COL23A1: variants seen among roughly 807,000 people sequenced by gnomAD.
The protein encoded by COL23A1 is collagen alpha-1(XXIII) chain.
Under a neutral mutation model 99.3 loss-of-function variants are expected in COL23A1, and 97 were observed. The observed-to-expected ratio is 0.98, with a 90% CI of 0.83 to 1.16. The LOEUF is 1.16. Ranked by LOEUF, COL23A1 falls within the 50% of genes most tolerant of loss-of-function variation. The probability of loss-of-function intolerance (pLI) is 0.00; values close to 1 mark genes in which losing one functional copy is unlikely to be tolerated. For synonymous variants in COL23A1, 320 were observed against 308.2 expected (o/e 1.04, Z -0.40); for missense variants, 762 against 757.4 (o/e 1.01, Z -0.07).
At chr5:178,503,030 A>G (rs1257014506) in intron 2 of COL23A1, among the ~76,000 whole-genome samples, 1 of 152,202 alleles carries the variant, frequency 6.6e-6, no homozygotes, top group Non-Finnish European at 1.5e-5. Context: ...AACCCAGAAC[A>G]ATGAGCTTTC....
In COL23A1 at chr5:178,257,524, T is replaced by G. The variant is rs1164611566; in HGVS notation, c.773A>C (p.Lys258Thr). Residue 258 changes from lysine to threonine, a missense_variant and splice_region_variant, in exon 13 of 29, where the codon AAG becomes ACG. Lys to Thr is a moderately conservative substitution (Grantham distance 78, BLOSUM62 -1). Transcript: ENST00000390654. ...ACGAGAGGAGGGGCAGATACTCACC[T>G]TGGGCCCTGGTGGTCCAGGCTGGCT... ...TPSQPGPPGP[K>T]GEPGSMGPRG... 1 of 1,566,894 alleles carries G rather than the reference T, an allele frequency of 6.4e-7. No individual in the cohort carries two copies.
In COL23A1 at chr5:178,350,497, C is replaced by T. The variant is rs139436615; in HGVS notation, c.362-43578G>A. 3.3e-3 allele frequency among the ~76,000 whole-genome samples: 503 copies of T among 152,202 alleles called. 6 individuals carry two copies. The highest frequency in any genetic ancestry group is 0.011 in the African/African-American group (451 of 41,520). On this transcript the variant is annotated intron_variant, in intron 2 of 28. Coordinates refer to ENST00000390654, the MANE Select transcript of COL23A1 (RefSeq NM_173465.4). ...TGAACAGAGGGGTGGCTGGGCCCAGCGCGATGTCAGGACTCTGCAATGTGG... is the reference window on the plus strand; with the variant it reads ...TGAACAGAGGGGTGGCTGGGCCCAGTGCGATGTCAGGACTCTGCAATGTGG...
At chr5:178,514,995 C>T (rs1046895084) in intron 2 of COL23A1, among the ~76,000 whole-genome samples, 7 of 152,242 alleles carry the variant, frequency 4.6e-5, no homozygotes, top group African/African-American at 1.7e-4. Flanking sequence ...CTCCAGAGTC[C>T]AGTGAAAGAC....
chr5:178,443,847 G>A (rs528676461), intron 2 of COL23A1, among the ~76,000 whole-genome samples: 1 of 152,028 alleles, frequency 6.6e-6, no homozygotes, highest in South Asian at 2.1e-4. Context: ...TGTAATTTCT[G>A]ATTTTGAACT....
chr5:178,571,285 C>A (rs939019386), intron 1 of COL23A1, among the ~76,000 whole-genome samples: 4 of 152,162 alleles, frequency 2.6e-5, no homozygotes, highest in Admixed American at 2.6e-4. Context: ...TCGCTTGAAC[C>A]CGGGAGACAG....
Position 178,460,251 on chromosome 5 carries a change from A to G in COL23A1, c.361+100431T>C, listed in dbSNP as rs79854130. ...ACAATTCACAGCAGACCTACTACAG[A>G]AGCACCTTCCCCAGGCACAGACAGA... is the stretch of plus-strand genomic sequence containing the variant. On this transcript the variant is annotated intron_variant, in intron 2 of 28. Coordinates refer to ENST00000390654, the MANE Select transcript of COL23A1 (RefSeq NM_173465.4). Among the ~76,000 whole-genome samples the G allele has an allele frequency of 6.2e-3, 947 of 152,216 alleles. 14 individuals carry two copies. Among genetic ancestry groups the G allele is most frequent in the African/African-American group, 0.021 (891 of 41,538 alleles).
chr5:178,266,817 G>A (rs1234698310), intron 8 of COL23A1, among the ~76,000 whole-genome samples: 1 of 152,210 alleles, frequency 6.6e-6, no homozygotes, highest in Non-Finnish European at 1.5e-5. Flanking sequence ...TCCGCACTGC[G>A]GCTCCCACTA....
chr5:178,553,144 T>G (rs1762095847), intron 2 of COL23A1, among the ~76,000 whole-genome samples: 1 of 142,870 alleles, frequency 7.0e-6, no homozygotes, highest in African/African-American at 2.6e-5. Context: ...CACTTCTGCC[T>G]GGCCGACAGA....
intron 2 of COL23A1, among the ~76,000 whole-genome samples, chr5:178,546,569 T>C (rs1055186834): frequency 2.0e-5 from 3 of 152,198 alleles, no homozygotes; most frequent in Non-Finnish European, 4.4e-5. Flanking sequence ...TCCCAGGGCC[T>C]GGCTGCGGTG....
At chr5:178,483,042 A>T (rs1277548041) in intron 2 of COL23A1, among the ~76,000 whole-genome samples, 1 of 152,194 alleles carries the variant, frequency 6.6e-6, no homozygotes, top group South Asian at 2.1e-4. Flanking sequence ...ACTGCACACC[A>T]GCCTGGGAAA....
chr5:178,255,729 G>C lies in COL23A1; in HGVS notation c.882+624C>G. On this transcript the variant is annotated intron_variant, in intron 15 of 28. Coordinates refer to ENST00000390654, the MANE Select transcript of COL23A1 (RefSeq NM_173465.4). This position sits in a 1 kb window ranked among gnomAD's most constrained non-coding sequence, Gnocchi z 4.2. Reference sequence around the variant, plus strand: ...CCTCCCCCGTCCCCAGTCACAGCCTGCCCAGAACTGCCTGGCTCACTGGCT... The same window carrying C: ...CCTCCCCCGTCCCCAGTCACAGCCTCCCCAGAACTGCCTGGCTCACTGGCT... 1 of 252,290 alleles carries C rather than the reference G, an allele frequency of 4.0e-6. No individual in the cohort carries two copies. Among genetic ancestry groups the C allele is most frequent in the Admixed American group, 4.5e-5 (1 of 22,278 alleles). 15.6% of individuals were successfully genotyped at this position (252,290 alleles called of 1,614,324 possible). A position where few individuals can be genotyped will look rare whatever the true frequency, so the allele number is the denominator to read the frequency against.
chr5:178,272,565 C>A (rs2127566499), intron 5 of COL23A1, among the ~76,000 whole-genome samples: 1 of 152,144 alleles, frequency 6.6e-6, no homozygotes, highest in East Asian at 1.9e-4. Context: ...CCCTGGGGGC[C>A]CCGGGTCAGG....
intron 19 of COL23A1, 53 bp downstream of exon 19, chr5:178,249,064 C>T: frequency 6.3e-7 from 1 of 1,578,562 alleles, no homozygotes; most frequent in Non-Finnish European, 8.7e-7. Context: ...CACACAGTCA[C>T]CTCAGGGCTT....
chr5:178,369,029 C>A (rs893920157), intron 2 of COL23A1, among the ~76,000 whole-genome samples: 2 of 152,364 alleles, frequency 1.3e-5, no homozygotes, highest in South Asian at 2.1e-4. Context: ...GCTCCCCGCA[C>A]ACCCACCTTC....
rs1234954686 is a variant in COL23A1, at chr5:178,357,635, C to T, written c.362-50716G>A. Among the ~76,000 whole-genome samples, 3 of 152,206 alleles carry T rather than the reference C, an allele frequency of 2.0e-5. No individual in the cohort carries two copies. In the East Asian group the frequency reaches 5.8e-4, roughly 29 times the overall value. The stretch of plus-strand genomic sequence containing the variant: ...ATCACCCTTGCTTTCACATGTTTGT[C>T]CCAAATATAAAGGAATTTACCCATC... On this transcript the variant is annotated intron_variant, in intron 2 of 28. Coordinates refer to ENST00000390654, the MANE Select transcript of COL23A1 (RefSeq NM_173465.4).
At chr5:178,339,046 T>G (rs944763032) in intron 2 of COL23A1, among the ~76,000 whole-genome samples, 2 of 152,024 alleles carry the variant, frequency 1.3e-5, no homozygotes, top group African/African-American at 4.8e-5. Flanking sequence ...TCCAGAGGAG[T>G]GCTCATGTGT....
chr5:178,524,673 G>C (rs1760208296), intron 2 of COL23A1, among the ~76,000 whole-genome samples: 1 of 152,208 alleles, frequency 6.6e-6, no homozygotes, highest in Non-Finnish European at 1.5e-5. Context: ...CCAACTTCCA[G>C]GCCACGCTGA....
chr5:178,337,605 C>T (rs893887835), intron 2 of COL23A1, among the ~76,000 whole-genome samples: 1 of 152,006 alleles, frequency 6.6e-6, no homozygotes, highest in African/African-American at 2.4e-5. Flanking sequence ...GGTAGGTGGG[C>T]TCTGCCGGGC....
At position 178,256,494 on chromosome 5, in the gene COL23A1, A is replaced by G. The variant is rs1378276219; in HGVS notation, c.838-97T>C. The stretch of plus-strand genomic sequence containing the variant: ...CAGTCCCCTCTTCCCAGGAGGGCCC[A>G]GGGCCCGAGTGCTGGAACCCTAATA... On this transcript the variant is annotated intron_variant, in intron 14 of 28. Coordinates refer to ENST00000390654, the MANE Select transcript of COL23A1 (RefSeq NM_173465.4). The G allele has an allele frequency of 5.8e-6, 7 of 1,197,870 alleles. No individual in the cohort carries two copies. In the East Asian group the frequency reaches 1.0e-4, roughly 17 times the overall value. The allele number at this position is 1,197,870 out of a possible 1,614,324, so 74.2% of individuals were successfully genotyped here.
Sources: allele counts gnomAD v4.1 joint callset (sites outside exome capture counted in the v4.1 genomes callset), GRCh38; gene constraint gnomAD v4.1.1; non-coding constraint Gnocchi (gnomAD v3.1); transcripts MANE v1.5; gene names NCBI Gene and HGNC (gene_info 2026-07-23, HGNC 2026-07-21).